ITGB2: variants seen among roughly 807,000 people sequenced by gnomAD.
The protein encoded by ITGB2 is integrin subunit beta 2.
A neutral mutation model predicts 86.8 loss-of-function variants in ITGB2; 56 were observed. The ratio of observed to expected loss-of-function variants is 0.65; its 90% CI spans 0.52 to 0.81. The LOEUF is 0.81. Ranked by LOEUF, ITGB2 falls within the 30% of genes least tolerant of loss-of-function variation. The pLI, the probability that ITGB2 is intolerant of heterozygous loss-of-function variation, is 0.00. For synonymous variants in ITGB2, 457 were observed against 450.4 expected (o/e 1.01, Z -0.19); for missense variants, 948 against 1,061.2 (o/e 0.89, Z 1.48).
intron 8 of ITGB2, among the ~76,000 whole-genome samples, chr21:44,897,774 G>C (rs544235734): frequency 6.6e-6 from 1 of 152,184 alleles, no homozygotes; most frequent in Non-Finnish European, 1.5e-5. Context: ...AACGGGGCAC[G>C]TGGCTGTGTA....
At chr21:44,927,359 A>T (rs917466392) in intron 1 of ITGB2, among the ~76,000 whole-genome samples, 8 of 152,048 alleles carry the variant, frequency 5.3e-5, no homozygotes, top group African/African-American at 1.9e-4. Flanking sequence ...ATGAGAAAGG[A>T]GTCTAACCAG....
At chr21:44,907,161 C>T (rs2084057075) in intron 3 of ITGB2, 66 bp from the exon 4 acceptor site, 2 of 1,289,596 alleles carry the variant, frequency 1.6e-6, no homozygotes, top group South Asian at 2.7e-5. Flanking sequence ...GCTGACTGGC[C>T]ATGGAGGACT....
In ITGB2 at chr21:44,894,971, A is replaced by G. The variant is rs536046546; in HGVS notation, c.1083T>C (p.Asn361=). ...NVVHLIKNAY[N]KLSSRVFLDH... is the part of the protein sequence containing the mutation. ...CAGCTGAGTGGTGCGGGAGACTCAC[A>G]TTGTAAGCATTCTTAATGAGATGGA... Residue 361 remains asparagine, a splice_region_variant and synonymous_variant, in exon 9 of 16, where the codon AAT becomes AAC. Transcript: ENST00000652462. 4 of 1,599,454 alleles carry G rather than the reference A, an allele frequency of 2.5e-6. No homozygotes were observed. The highest frequency in any genetic ancestry group is 1.3e-5 in the African/African-American group (1 of 74,602).
rs546243410 is a variant in ITGB2, at chr21:44,889,931, T to C, written c.1657+47A>G. On this transcript the variant is annotated intron_variant, in intron 12 of 15. Transcript: ENST00000652462. ...CCAGAACGCACCCCCCAACACCAAG[T>C]CTGTGCCGCAGGACGGCCGTTGTCC... 3.1e-6 allele frequency: 5 copies of C among 1,609,934 alleles called. No individual in the cohort carries two copies. In the South Asian group the frequency reaches 4.4e-5, roughly 14 times the overall value.
At chr21:44,925,543 C>T (rs1269490814), upstream of ITGB2, among the ~76,000 whole-genome samples, 1 of 152,138 alleles carries the variant, frequency 6.6e-6, no homozygotes, top group Non-Finnish European at 1.5e-5. Flanking sequence ...AGAGGCAGGT[C>T]TGGACTTGTG....
At chr21:44,887,508 T>A (rs1223771390) in intron 14 of ITGB2, among the ~76,000 whole-genome samples, 1 of 152,000 alleles carries the variant, frequency 6.6e-6, no homozygotes. Flanking sequence ...TCTGGCATCC[T>A]CACTCCCTGT....
rs561753356 is a variant in ITGB2 at position 44,911,335 on chromosome 21, G to A, written c.-3-550C>T. The A allele has an allele frequency of 1.5e-4, 25 of 171,814 alleles. No homozygotes were observed. The East Asian group carries it at 3.2e-3, about 22-fold the overall frequency. The allele number at this position is 171,814 out of a possible 1,614,324, so 10.6% of individuals were successfully genotyped here. The stretch of plus-strand genomic sequence containing the variant: ...CACCACACGCACACACCATACACAC[G>A]TGCAAATGTACACGCACACAAACAC... On this transcript the variant is annotated intron_variant, in intron 1 of 15. Coordinates refer to ENST00000652462, the MANE Select transcript of ITGB2 (RefSeq NM_000211.5).
chr21:44,890,416 C>A (rs986244385), intron 11 of ITGB2, among the ~76,000 whole-genome samples, 194 bp from the exon 12 acceptor site: 1 of 152,250 alleles, frequency 6.6e-6, no homozygotes, highest in Non-Finnish European at 1.5e-5. Flanking sequence ...GTTCCCTCCC[C>A]AGGATGTCCC....
chr21:44,928,776 C>T (rs940289166), exon 1 of ITGB2: 3 of 177,624 alleles, frequency 1.7e-5, no homozygotes, highest in Admixed American at 6.5e-5. Flanking sequence ...AACGGAGCCA[C>T]GTGAGGACTT....
chr21:44,899,046 T>G (rs1159043210), intron 8 of ITGB2, 21 bp downstream of exon 8: 2 of 1,590,766 alleles, frequency 1.3e-6, no homozygotes, highest in South Asian at 2.2e-5. Context: ...CAATGGATGC[T>G]CGGGACCCAA....
intron 9 of ITGB2, chr21:44,894,494 A>G (rs2083835015): frequency 8.5e-6 from 2 of 234,612 alleles, no homozygotes; most frequent in Non-Finnish European, 1.7e-5. Flanking sequence ...GTGCAGCTCG[A>G]TGGGCCGTGC....
intron 4 of ITGB2, 84 bp downstream of exon 4, chr21:44,906,831 C>G: frequency 6.9e-7 from 1 of 1,455,166 alleles, no homozygotes; most frequent in East Asian, 2.3e-5. Context: ...GCAGCCCTGA[C>G]ACCCCAGAGC....
At chr21:44,909,093 G>A (rs886243898) in intron 3 of ITGB2, among the ~76,000 whole-genome samples, 3 of 152,222 alleles carry the variant, frequency 2.0e-5, no homozygotes, top group African/African-American at 4.8e-5. Context: ...CAGTGATGGC[G>A]GCTTCAGGCG....
intron 8 of ITGB2, among the ~76,000 whole-genome samples, chr21:44,898,505 G>A (rs1271880958): frequency 6.6e-6 from 1 of 152,204 alleles, no homozygotes; most frequent in African/African-American, 2.4e-5. Context: ...AAGGTCTTGG[G>A]AACCCCAACA....
chr21:44,892,681 T>C (rs1339847018), intron 10 of ITGB2, among the ~76,000 whole-genome samples: 2 of 140,924 alleles, frequency 1.4e-5, no homozygotes, highest in Non-Finnish European at 3.1e-5. Flanking sequence ...AAAGTCATAT[T>C]AAGAAAATGC....
chr21:44,886,158 C>T lies in ITGB2; in HGVS notation c.*210G>A. On this transcript the variant is annotated 3_prime_UTR_variant, in exon 16 of 16. Coordinates refer to ENST00000652462, the MANE Select transcript of ITGB2 (RefSeq NM_000211.5). The stretch of plus-strand genomic sequence containing the variant: ...CTCAAGCCCTCCCTCCTCAAGTCTC[C>T]ATGCAAAGACTGTGCCAGTCAGAGT... 3.3e-6 allele frequency: 2 copies of T among 606,590 alleles called. No individual in the cohort carries two copies. Among genetic ancestry groups the T allele is most frequent in the Non-Finnish European group, 5.9e-6 (2 of 336,594 alleles). The allele number at this position is 606,590 out of a possible 1,614,324, so 37.6% of individuals were successfully genotyped here. A position where few individuals can be genotyped will look rare whatever the true frequency, so the allele number is the denominator to read the frequency against.
chr21:44,919,700 C>A (rs1463527389), intron 1 of ITGB2, among the ~76,000 whole-genome samples: 2 of 152,252 alleles, frequency 1.3e-5, no homozygotes, highest in Admixed American at 1.3e-4. Flanking sequence ...CCGGCCATCC[C>A]CCCCCTTCCC....
intron 1 of ITGB2, among the ~76,000 whole-genome samples, chr21:44,915,026 G>C (rs1390811531): frequency 6.6e-6 from 1 of 152,172 alleles, no homozygotes; most frequent in Non-Finnish European, 1.5e-5. Flanking sequence ...GCGGGGTCAG[G>C]CTTCCTTTTT....
chr21:44,899,807 G>A (rs1039906842), intron 7 of ITGB2, among the ~76,000 whole-genome samples: 4 of 152,206 alleles, frequency 2.6e-5, no homozygotes, highest in Non-Finnish European at 5.9e-5. Flanking sequence ...TCTCGCCTCT[G>A]TCCCTCCCTG....
Sources: gnomAD v4.1 joint callset for allele counts (sites outside exome capture counted in the v4.1 genomes callset) on GRCh38, gnomAD v4.1.1 for gene constraint, MANE v1.5 for transcripts, NCBI Gene and HGNC (gene_info 2026-07-23, HGNC 2026-07-21) for gene names.